The following OSBPL10 variants were observed in gnomAD, a reference collection of about 807,000 sequenced individuals.
OSBPL10 encodes the protein oxysterol binding protein like 10.
A neutral mutation model predicts 81.7 loss-of-function variants in OSBPL10; 49 were observed. The observed-to-expected ratio is 0.60, with a 90% CI of 0.48 to 0.76. The LOEUF (loss-of-function observed/expected upper bound fraction) is 0.76. Among genes scored for constraint, OSBPL10 ranks in the 30% least tolerant of loss-of-function variants. The pLI is 0.00. For synonymous variants in OSBPL10, 419 were observed against 383.6 expected, an observed-to-expected ratio of 1.09 and a Z score of -1.08; for missense variants, 923 against 987.8, an observed-to-expected ratio of 0.93 and a Z score of 0.88.
At chr3:31,846,527 G>A (rs920500551) in intron 3 of OSBPL10, among the ~76,000 whole-genome samples, 2 of 152,088 alleles carry the variant, frequency 1.3e-5, no homozygotes, top group Admixed American at 6.5e-5. Flanking sequence ...TTGGGAGGCT[G>A]AGGCTGAGGC....
At chr3:31,825,484 G>A (rs1700077982) in intron 4 of OSBPL10, among the ~76,000 whole-genome samples, 1 of 152,086 alleles carries the variant, frequency 6.6e-6, no homozygotes, top group Non-Finnish European at 1.5e-5. Flanking sequence ...ACCACACTTA[G>A]CAAATCTGTA....
chr3:31,923,117 G>A (rs11915665), intron 1 of OSBPL10, among the ~76,000 whole-genome samples: 25,070 of 152,102 alleles, frequency 0.16, 2,576 homozygotes, highest in African/African-American at 0.26. Flanking sequence ...TCATTTATGT[G>A]AACTGGTTTC....
chr3:31,863,365 T>C (rs1352550182), intron 3 of OSBPL10, among the ~76,000 whole-genome samples: 3 of 152,162 alleles, frequency 2.0e-5, no homozygotes, highest in African/African-American at 7.2e-5. Flanking sequence ...GTGGTAGTGG[T>C]TGTACAATTT....
rs577124227 is a variant in OSBPL10 at position 31,881,909 on chromosome 3, T to G, written c.282-2079A>C. Among the ~76,000 whole-genome samples the G allele has an allele frequency of 1.4e-4, 22 of 152,328 alleles. No individual in the cohort carries two copies. In the South Asian group the frequency reaches 4.1e-3, roughly 29 times the overall value. On this transcript the variant is annotated intron_variant, in intron 1 of 11. Transcript: ENST00000396556. ...TCCTGAGACTTGAAGGAATTTAAAA[T>G]CCAAGTTCAACTCTTCTGTGTCCAA...
At chr3:31,784,379 G>GGGAAAAGGAAAAGGAAAGGAAAAA (rs1559463655) in intron 4 of OSBPL10, among the ~76,000 whole-genome samples, 22 of 141,656 alleles carry the variant, frequency 1.6e-4, no homozygotes, top group African/African-American at 5.6e-4. Context: ...GAAAAGGAAA[G>GGGAAAAGGAAAAGGAAAGGAAAAA]GGAAAAGGAA....
chr3:31,928,176 A>C (rs1697132442), intron 1 of OSBPL10, among the ~76,000 whole-genome samples: 2 of 152,232 alleles, frequency 1.3e-5, no homozygotes, highest in Admixed American at 6.5e-5. Context: ...GATGGTATTT[A>C]AAACTCTACA....
chr3:32,021,292 T>C (rs1015407462), intron 2 of OSBPL10, among the ~76,000 whole-genome samples: 3 of 152,348 alleles, frequency 2.0e-5, no homozygotes, highest in African/African-American at 7.2e-5. Context: ...TTTCTCCGCG[T>C]TGCTGCTTTC....
chr3:31,695,947 G>A (rs1490883242), intron 7 of OSBPL10, among the ~76,000 whole-genome samples: 4 of 152,132 alleles, frequency 2.6e-5, no homozygotes, highest in South Asian at 2.1e-4. Flanking sequence ...TCCTTCACAC[G>A]TCAGTATGCA....
intron 4 of OSBPL10, among the ~76,000 whole-genome samples, chr3:31,807,567 C>A (rs1307911541): frequency 1.5e-5 from 2 of 135,736 alleles, no homozygotes; most frequent in Non-Finnish European, 3.2e-5. Flanking sequence ...AAGACCACAT[C>A]TCTACAAAAA....
intron 1 of OSBPL10, among the ~76,000 whole-genome samples, chr3:31,907,619 C>CAAAAAAAAAAAAAA (rs142840420): frequency 1.3e-4 from 8 of 63,870 alleles, no homozygotes; most frequent in African/African-American, 3.5e-4. Flanking sequence ...ACCTCCATCT[C>CAAAAAAAAAAAAAA]AAAAAAAAAA....
chr3:31,891,687 G>A (rs186293715), intron 1 of OSBPL10, among the ~76,000 whole-genome samples: 32 of 152,282 alleles, frequency 2.1e-4, no homozygotes, highest in African/African-American at 7.2e-4. Context: ...TTTTTGGGGG[G>A]TGCCAGTGCC....
intron 1 of OSBPL10, among the ~76,000 whole-genome samples, chr3:31,924,545 T>G (rs1697016319): frequency 6.6e-6 from 1 of 152,210 alleles, no homozygotes. Context: ...AAGCCCAATT[T>G]GGAACAAATA....
chr3:31,684,269 G>T (rs1700735737), intron 7 of OSBPL10, among the ~76,000 whole-genome samples, 155 bp from the exon 8 acceptor site: 1 of 152,202 alleles, frequency 6.6e-6, no homozygotes, highest in African/African-American at 2.4e-5. Context: ...CAAACCAAGG[G>T]AAACAATATC....
rs773515471 is a variant in OSBPL10 at position 31,702,345 on chromosome 3, A to C, written c.1245+14T>G. The C allele has an allele frequency of 1.2e-6, 2 of 1,613,352 alleles. No individual in the cohort carries two copies. Among genetic ancestry groups the C allele is most frequent in the Admixed American group, 3.3e-5 (2 of 60,002 alleles). On this transcript the variant is annotated intron_variant, in intron 7 of 11. Coordinates refer to ENST00000396556, the MANE Select transcript of OSBPL10 (RefSeq NM_017784.5). ...CAACAACTGACCACAAATCCAGGGG[A>C]CATGCCAACCTACCTTGGTCAAATC...
intron 2 of OSBPL10, among the ~76,000 whole-genome samples, chr3:31,994,491 AG>A (rs1699067947): frequency 2.7e-5 from 4 of 149,648 alleles, no homozygotes; most frequent in Non-Finnish European, 4.4e-5. Flanking sequence ...AGGGAAAAAA[AG>A]GATGGATGGA....
At chr3:31,767,968 G>A (rs968926811) in intron 4 of OSBPL10, among the ~76,000 whole-genome samples, 4 of 152,130 alleles carry the variant, frequency 2.6e-5, no homozygotes, top group Non-Finnish European at 4.4e-5. Flanking sequence ...AAGGAGTAAA[G>A]GATACTCGAT....
chr3:31,748,483 C>T lies in OSBPL10; in HGVS notation c.730-363G>A, dbSNP rs544731903. Among the ~76,000 whole-genome samples the T allele has an allele frequency of 3.9e-5, 6 of 152,172 alleles. No individual in the cohort carries two copies. The South Asian group carries it at 6.2e-4, about 16-fold the overall frequency. On this transcript the variant is annotated intron_variant, in intron 4 of 11. Coordinates refer to ENST00000396556, the MANE Select transcript of OSBPL10 (RefSeq NM_017784.5). ...ACGGAAGGTTATCTGAGACAGCAGG[C>T]GCACTGTGTGGCTTTCCCTCCTTGC...
chr3:32,002,626 T>C (rs537776844), intron 2 of OSBPL10, among the ~76,000 whole-genome samples: 2 of 133,786 alleles, frequency 1.5e-5, no homozygotes, highest in South Asian at 2.3e-4. Context: ...GTGACTTAGA[T>C]CCTCCAGGCA....
At chr3:32,076,072 T>C (rs980558881) in intron 1 of OSBPL10, among the ~76,000 whole-genome samples, 15 of 152,068 alleles carry the variant, frequency 9.9e-5, no homozygotes, top group Admixed American at 2.0e-4. Context: ...CCAAAACCTG[T>C]AAGAACTAAT....
Sources: gnomAD v4.1 joint callset for allele counts (sites outside exome capture counted in the v4.1 genomes callset) on GRCh38, gnomAD v4.1.1 for gene constraint, MANE v1.5 for transcripts, NCBI Gene and HGNC (gene_info 2026-07-23, HGNC 2026-07-21) for gene names.